MRTFB: variants seen among roughly 807,000 people sequenced by gnomAD.
MRTFB encodes myocardin related transcription factor B.
In MRTFB, 29 loss-of-function variants were observed where a neutral mutation model predicts 104.2. That is an observed-to-expected ratio of 0.28 (90% confidence interval 0.21 to 0.38). The LOEUF is 0.38. MRTFB is among the 10% of genes least tolerant of loss of function. The pLI is 1.00. For synonymous variants in MRTFB, 535 were observed against 519.5 expected (o/e 1.03, Z -0.41); for missense variants, 1,270 against 1,341.6 (o/e 0.95, Z 0.83).
intron 10 of MRTFB, among the ~76,000 whole-genome samples, chr16:14,242,564 A>G (rs1028459244): frequency 1.3e-5 from 2 of 152,112 alleles, no homozygotes; most frequent in African/African-American, 4.8e-5. Context: ...TAGTGGTGGG[A>G]GTTTACCTGA....
intron 3 of MRTFB, among the ~76,000 whole-genome samples, chr16:14,198,654 T>C (rs1567446352): frequency 6.6e-6 from 1 of 152,340 alleles, no homozygotes; most frequent in East Asian, 1.9e-4. Context: ...GCCTCAAAAT[T>C]AACTTTCCCT....
intron 3 of MRTFB, among the ~76,000 whole-genome samples, chr16:14,195,055 A>C (rs1341660151): frequency 6.6e-6 from 1 of 152,204 alleles, no homozygotes; most frequent in Non-Finnish European, 1.5e-5. Flanking sequence ...AGGTGCAAGT[A>C]TCCAGTGTCT....
intron 3 of MRTFB, among the ~76,000 whole-genome samples, chr16:14,186,176 C>G (rs2039946881): frequency 6.6e-6 from 1 of 152,206 alleles, no homozygotes; most frequent in Non-Finnish European, 1.5e-5. Context: ...AGTACATTTC[C>G]CTATTACAAA....
chr16:14,056,607 T>C, the MRTFB span, among the ~76,000 whole-genome samples: 2 of 152,198 alleles, frequency 1.3e-5, no homozygotes, highest in African/African-American at 4.8e-5. Flanking sequence ...AGCCCTGGTC[T>C]CTCTTTTTTT....
chr16:14,053,131 G>A, the MRTFB span, among the ~76,000 whole-genome samples: 1 of 151,652 alleles, frequency 6.6e-6, no homozygotes, highest in African/African-American at 2.4e-5. Context: ...TCACTACATT[G>A]CCCAGGCTGG....
chr16:14,122,496 T>G (rs2036901870), intron 2 of MRTFB, among the ~76,000 whole-genome samples: 1 of 152,082 alleles, frequency 6.6e-6, no homozygotes, highest in African/African-American at 2.4e-5. Context: ...CATGTGTTCT[T>G]ATTATTCAGC....
intron 2 of MRTFB, among the ~76,000 whole-genome samples, chr16:14,084,232 T>A (rs990173285): frequency 6.6e-6 from 1 of 152,238 alleles, no homozygotes; most frequent in African/African-American, 2.4e-5. Flanking sequence ...TATTCACTTA[T>A]AGTGCAGTTT....
intron 8 of MRTFB, among the ~76,000 whole-genome samples, chr16:14,230,429 T>C (rs2042206329): frequency 6.6e-6 from 1 of 151,922 alleles, no homozygotes; most frequent in Non-Finnish European, 1.5e-5. Flanking sequence ...CTCAAACAAA[T>C]TTACAAGAAA....
chr16:14,152,422 A>G (rs1043326975), intron 3 of MRTFB: 19 of 152,114 alleles, frequency 1.2e-4, no homozygotes, highest in African/African-American at 4.6e-4. Flanking sequence ...ATATTCTTCT[A>G]TGAAATCTTG....
rs981230209 is a variant in MRTFB, at chr16:14,192,581, C to T, written c.155-17662C>T. The stretch of plus-strand genomic sequence containing the variant: ...ATAGCACAATGCCAGTTATGTTAAA[C>T]TTCTGTAAGCCCCTACATTCAGGGA... On this transcript the variant is annotated intron_variant, in intron 3 of 16. Coordinates refer to ENST00000571589, the MANE Select transcript of MRTFB (RefSeq NM_001308142.2). 4.6e-5 allele frequency among the ~76,000 whole-genome samples: 7 copies of T among 152,262 alleles called. No individual in the cohort carries two copies. In the East Asian group the frequency reaches 1.3e-3, roughly 29 times the overall value.
chr16:14,082,006 G>T (rs9939089), intron 2 of MRTFB, among the ~76,000 whole-genome samples: 35,353 of 152,090 alleles, frequency 0.23, 7,694 homozygotes, highest in African/African-American at 0.57. Context: ...TCTTCACTGT[G>T]GATTGCTTTC....
chr16:14,151,186 CG>C (rs1433280485), intron 3 of MRTFB: 5 of 152,044 alleles, frequency 3.3e-5, no homozygotes, highest in African/African-American at 1.2e-4. Context: ...AATGGTGCCA[CG>C]TATGGTCTGT....
In MRTFB at chr16:14,263,523, G is replaced by C. The variant is rs552490578; in HGVS notation, c.*2079G>C. The C allele has an allele frequency of 6.6e-6, 1 of 152,348 alleles. No individual in the cohort carries two copies. Among genetic ancestry groups the C allele is most frequent in the South Asian group, 2.1e-4 (1 of 4,822 alleles). 9.4% of individuals were successfully genotyped at this position (152,348 alleles called of 1,614,324 possible). On this transcript the variant is annotated 3_prime_UTR_variant, in exon 17 of 17. Transcript: ENST00000571589. ...ATTAGCACCAAATATCAGTGGGACT[G>C]TAGAAGGTAACCGAACACTAGTACC...
In MRTFB at chr16:14,246,448, A is replaced by G. The variant is rs776736891; in HGVS notation, c.1213-25A>G. On this transcript the variant is annotated intron_variant, in intron 11 of 16. Coordinates refer to ENST00000571589, the MANE Select transcript of MRTFB (RefSeq NM_001308142.2). ...TTTGCCAGAAAGCTCTAATACTAAG[A>G]TATCTGCTTTGTTTGTACCTCCAGG... 16 of 1,607,878 alleles carry G rather than the reference A, an allele frequency of 1.0e-5. 1 individual carries two copies. In the Middle Eastern group the frequency reaches 6.6e-4, roughly 66 times the overall value.
intron 8 of MRTFB, among the ~76,000 whole-genome samples, chr16:14,225,456 A>G (rs2041958537): frequency 6.6e-6 from 1 of 152,158 alleles, no homozygotes; most frequent in Non-Finnish European, 1.5e-5. Context: ...CTAAGATGTT[A>G]TTTGTAATTC....
chr16:14,008,252 G>C, the MRTFB span, among the ~76,000 whole-genome samples: 1 of 151,140 alleles, frequency 6.6e-6, no homozygotes, highest in African/African-American at 2.4e-5. Context: ...CTTATGCTTT[G>C]GGTATCATAT....
At position 14,244,079 on chromosome 16, in the gene MRTFB, C is replaced by T. The variant is rs546568268; in HGVS notation, c.1080-1449C>T. Among the ~76,000 whole-genome samples, 13 of 152,134 alleles carry T rather than the reference C, an allele frequency of 8.5e-5. 1 individual carries two copies. Among genetic ancestry groups the T allele is most frequent in the African/African-American group, 1.9e-4 (8 of 41,484 alleles). On this transcript the variant is annotated intron_variant, in intron 10 of 16. Transcript: ENST00000571589. ...TTTTTAAGTAGAGACGGGGTTTCAC[C>T]GTGTTAGCCAGGATGGTCTCGATCT...
the MRTFB span, among the ~76,000 whole-genome samples, chr16:14,066,224 C>G: frequency 1.3e-5 from 2 of 150,886 alleles, no homozygotes; most frequent in South Asian, 2.1e-4. Flanking sequence ...GGAAACCATA[C>G]CTTATTTTTT....
At chr16:14,082,026 C>T (rs2034443427) in intron 2 of MRTFB, among the ~76,000 whole-genome samples, 2 of 152,194 alleles carry the variant, frequency 1.3e-5, no homozygotes, top group East Asian at 1.9e-4. Flanking sequence ...CTTTGCTATA[C>T]AGAAGCTTAT....
Sources: gnomAD v4.1 joint callset for allele counts (sites outside exome capture counted in the v4.1 genomes callset) on GRCh38, gnomAD v4.1.1 for gene constraint, MANE v1.5 for transcripts, NCBI Gene and HGNC (gene_info 2026-07-23, HGNC 2026-07-21) for gene names.